Variants in ZNF544 observed in about 807,000 individuals in gnomAD.
ZNF544 encodes zinc finger protein 544.
A neutral mutation model predicts 13.5 loss-of-function variants in ZNF544; 10 were observed. That is an observed-to-expected ratio of 0.74 (90% CI 0.46 to 1.25). ZNF544 has a LOEUF of 1.25. Ranked by LOEUF, ZNF544 falls within the 50% of genes most tolerant of loss-of-function variation. ZNF544 has a pLI of 0.00. For synonymous variants in ZNF544, 323 were observed against 300.5 expected (o/e 1.07, Z -0.77); for missense variants, 896 against 845.6 (o/e 1.06, Z -0.74).
intron 3 of ZNF544, among the ~76,000 whole-genome samples, chr19:58,234,341 G>T (rs370315583): frequency 1.3e-5 from 2 of 152,150 alleles, no homozygotes; most frequent in African/African-American, 4.8e-5. Context: ...CATCTTGTGG[G>T]CCTAGAACTG....
At chr19:58,259,402 CTG>C (rs2048398933) in intron 6 of ZNF544, 1 of 152,220 alleles carries the variant, frequency 6.6e-6, no homozygotes, top group South Asian at 2.1e-4. Flanking sequence ...AGTTAGGAGT[CTG>C]TGTTTGCTTC....
Position 58,246,812 on chromosome 19 carries a change from G to C in ZNF544, c.244+18G>C. On this transcript the variant is annotated intron_variant, in intron 6 of 6. Coordinates refer to ENST00000687789, the MANE Select transcript of ZNF544 (RefSeq NM_014480.4). ...CCCCCGAGGTAAGAGCAGACCTTGT[G>C]GTGAGCAGCTCAACGTTTAACAAGC... The C allele has an allele frequency of 6.8e-6, 11 of 1,611,334 alleles. No homozygotes were observed. The highest frequency in any genetic ancestry group is 1.3e-5 in the African/African-American group (1 of 74,962).
At chr19:58,253,723 A>G (rs2046703038) in intron 6 of ZNF544, among the ~76,000 whole-genome samples, 1 of 152,232 alleles carries the variant, frequency 6.6e-6, no homozygotes, top group African/African-American at 2.4e-5. Context: ...TGCAGGCACT[A>G]GCCACCATGC....
In ZNF544 at chr19:58,261,943, G is replaced by T; in HGVS notation, c.1337G>T (p.Arg446Met). The change falls in exon 7 of 7, where the codon AGG (arginine) becomes ATG (methionine). Residue 446 changes from arginine (R) to methionine (M), a missense_variant. Transcript: ENST00000687789. Reference protein sequence around the residue: ...YQCIECRKSFRWNSNLIVHQR... With the variant: ...YQCIECRKSFMWNSNLIVHQR... ...TGTATTGAATGCAGAAAATCCTTCA[G>T]GTGGAACTCTAACCTCATTGTACAT... is the stretch of plus-strand genomic sequence containing the variant. The T allele has an allele frequency of 6.2e-7, 1 of 1,613,616 alleles. No individual in the cohort carries two copies. Among genetic ancestry groups the T allele is most frequent in the Non-Finnish European group, 8.5e-7 (1 of 1,179,950 alleles).
intron 5 of ZNF544, chr19:58,276,320 C>T: frequency 8.1e-7 from 1 of 1,230,350 alleles, no homozygotes; most frequent in Non-Finnish European, 1.0e-6. Flanking sequence ...TCTCTGCCTA[C>T]AGAGAAGGGG....
At chr19:58,273,663 C>A (rs1482937773) in intron 5 of ZNF544, among the ~76,000 whole-genome samples, 1 of 146,448 alleles carries the variant, frequency 6.8e-6, no homozygotes, top group Non-Finnish European at 1.5e-5. Context: ...GCACTCCAGC[C>A]TGGGCGACAG....
downstream of ZNF544, among the ~76,000 whole-genome samples, chr19:58,267,342 G>C (rs1037178335): frequency 1.3e-5 from 2 of 151,914 alleles, no homozygotes; most frequent in African/African-American, 4.8e-5. Flanking sequence ...GATTACAGGT[G>C]TGAGCCACCG....
At position 58,261,589 on chromosome 19, in the gene ZNF544, G is replaced by T. The variant is rs528258369; in HGVS notation, c.983G>T (p.Cys328Phe). ...GGCCCTGGAGAGACCCCCTTCAGATGTGAGGAACGCTGTGCTGCCTTCCCC... is the reference window on the plus strand; with the variant it reads ...GGCCCTGGAGAGACCCCCTTCAGATTTGAGGAACGCTGTGCTGCCTTCCCC... ...RSGPGETPFR[C>F]EERCAAFPMA... The change falls in exon 7 of 7, where the codon TGT (cysteine) becomes TTT (phenylalanine). Residue 328 changes from cysteine to phenylalanine, a missense_variant. Cys to Phe is a radical substitution (Grantham distance 205). Transcript: ENST00000687789. The T allele has an allele frequency of 1.2e-6, 2 of 1,614,210 alleles. No individual in the cohort carries two copies. The highest frequency in any genetic ancestry group is 3.3e-5 in the Admixed American group (2 of 60,012).
downstream of ZNF544, among the ~76,000 whole-genome samples, chr19:58,268,260 C>CG (rs2050184655): frequency 6.6e-6 from 1 of 152,092 alleles, no homozygotes; most frequent in Non-Finnish European, 1.5e-5. Context: ...GGTCTAGTGC[C>CG]ATTACACTCC....
In ZNF544 at chr19:58,262,955, C is replaced by G. The variant is rs2049307696; in HGVS notation, c.*201C>G. 5 of 1,399,832 alleles carry G rather than the reference C, an allele frequency of 3.6e-6. No individual in the cohort carries two copies. The South Asian group carries it at 8.2e-5, about 23-fold the overall frequency. The allele number at this position is 1,399,832 out of a possible 1,614,324, so 86.7% of individuals were successfully genotyped here. ...GAAAGCCTTCAATGATCGCTCAACC[C>G]TTAGTAAACACGAGAGGACACACAC... is the stretch of plus-strand genomic sequence containing the variant. On this transcript the variant is annotated 3_prime_UTR_variant, in exon 7 of 7. Transcript: ENST00000687789.
At chr19:58,252,769 C>T (rs1160005135) in intron 6 of ZNF544, among the ~76,000 whole-genome samples, 1 of 152,174 alleles carries the variant, frequency 6.6e-6, no homozygotes, top group African/African-American at 2.4e-5. Context: ...AAGAATTCCA[C>T]AACTTTTAGA....
At chr19:58,266,070 A>G (rs2049832399), downstream of ZNF544, among the ~76,000 whole-genome samples, 2 of 151,674 alleles carry the variant, frequency 1.3e-5, no homozygotes, top group South Asian at 4.2e-4. Flanking sequence ...GCCAGGTGTC[A>G]TGGCATGTGC....
intron 6 of ZNF544, among the ~76,000 whole-genome samples, chr19:58,256,239 C>T (rs920126299): frequency 1.3e-5 from 2 of 151,856 alleles, no homozygotes; most frequent in Admixed American, 6.6e-5. Flanking sequence ...AATATGTTAC[C>T]AGTGGAGGGT....
intron 4 of ZNF544, 61 bp from the exon 5 acceptor site, chr19:58,246,240 G>GT: frequency 6.2e-7 from 1 of 1,609,916 alleles, no homozygotes; most frequent in South Asian, 1.1e-5. Context: ...GCCTTAACAG[G>GT]TACCTCCGTG....
At chr19:58,252,307 C>T (rs1033556544) in intron 6 of ZNF544, among the ~76,000 whole-genome samples, 25 of 152,296 alleles carry the variant, frequency 1.6e-4, no homozygotes, top group Admixed American at 9.1e-4. Flanking sequence ...ATCCTTTTCA[C>T]GACTTACACA....
In ZNF544 at chr19:58,263,283, A is replaced by C. The variant is rs2049371942; in HGVS notation, c.*529A>C. 5 of 867,438 alleles carry C rather than the reference A, an allele frequency of 5.8e-6. No homozygotes were observed. The South Asian group carries it at 2.7e-4, about 47-fold the overall frequency. 53.7% of individuals were successfully genotyped at this position (867,438 alleles called of 1,614,324 possible). A position where few individuals can be genotyped will look rare whatever the true frequency, so the allele number is the denominator to read the frequency against. ...TGAAACCAGCCTGGGTAACATGGCA[A>C]AATCCTGTCTTTACAAAAAATACAA... is the stretch of plus-strand genomic sequence containing the variant. On this transcript the variant is annotated 3_prime_UTR_variant, in exon 7 of 7. Transcript: ENST00000687789.
At position 58,263,162 on chromosome 19, in the gene ZNF544, A is replaced by G; in HGVS notation, c.*408A>G. The G allele has an allele frequency of 1.0e-6, 1 of 999,580 alleles. No individual in the cohort carries two copies. The highest frequency in any genetic ancestry group is 5.4e-5 in the Admixed American group (1 of 18,622). 61.9% of individuals were successfully genotyped at this position (999,580 alleles called of 1,614,324 possible). The stretch of plus-strand genomic sequence containing the variant: ...AGAAAGCTCATGGGCAAGAAACTCT[A>G]TGAATAACCAAGATGGAGCCGGGTG... On this transcript the variant is annotated 3_prime_UTR_variant, in exon 7 of 7. Coordinates refer to ENST00000687789, the MANE Select transcript of ZNF544 (RefSeq NM_014480.4).
At chr19:58,239,647 C>G (rs1345882291) in intron 3 of ZNF544, among the ~76,000 whole-genome samples, 4 of 152,098 alleles carry the variant, frequency 2.6e-5, no homozygotes, top group African/African-American at 7.2e-5. Context: ...GCCTATAATC[C>G]CAGCACTTTG....
intron 6 of ZNF544, among the ~76,000 whole-genome samples, chr19:58,257,112 G>A (rs373945456): frequency 5.9e-5 from 9 of 152,132 alleles, no homozygotes; most frequent in Admixed American, 2.6e-4. Flanking sequence ...TATTAGAGAC[G>A]GGTTTTCACC....
Sources: gnomAD v4.1 joint callset for allele counts (sites outside exome capture counted in the v4.1 genomes callset) on GRCh38, gnomAD v4.1.1 for gene constraint, MANE v1.5 for transcripts, NCBI Gene and HGNC (gene_info 2026-07-23, HGNC 2026-07-21) for gene names.